Variants in PDE3A observed in about 807,000 individuals in gnomAD.
The protein encoded by PDE3A is phosphodiesterase 3A, also known as cGMP-inhibited 3',5'-cyclic phosphodiesterase 3A.
In PDE3A, 43 loss-of-function variants were observed where a neutral mutation model predicts 98.3. That is an observed-to-expected ratio of 0.44 (90% CI 0.34 to 0.56). The LOEUF is 0.56. PDE3A is among the 20% of genes least tolerant of loss of function. The probability of loss-of-function intolerance (pLI) is 0.01; values close to 1 mark genes in which losing one functional copy is unlikely to be tolerated. For missense variants in PDE3A, 1,427 were observed against 1,440.7 expected, an observed-to-expected ratio of 0.99 and a Z score of 0.15; for synonymous variants, 663 against 567.9, an observed-to-expected ratio of 1.17 and a Z score of -2.38.
Position 20,552,272 on chromosome 12 carries a change from C to A in PDE3A, c.961-4388C>A. The A allele has an allele frequency of 1.2e-6, 2 of 1,613,910 alleles. No homozygotes were observed. Among genetic ancestry groups the A allele is most frequent in the Non-Finnish European group, 1.7e-6 (2 of 1,179,876 alleles). ...AAGGGTGGCAAGAATAGCAAGTACG[C>A]CCCCGCTGAGGGCAACCGCTACGAT... On this transcript the variant is annotated intron_variant, in intron 1 of 15. Transcript: ENST00000359062. This position sits in a 1 kb window ranked among gnomAD's most constrained non-coding sequence, Gnocchi z 5.1.
intron 1 of PDE3A, among the ~76,000 whole-genome samples, chr12:20,471,496 G>A (rs1396148543): frequency 5.3e-5 from 8 of 152,090 alleles, no homozygotes; most frequent in Non-Finnish European, 8.8e-5. Context: ...CTAGTTTCTA[G>A]AAATACGGAG....
chr12:20,582,413 C>T (rs1284103405), intron 2 of PDE3A, among the ~76,000 whole-genome samples: 1 of 152,020 alleles, frequency 6.6e-6, no homozygotes, highest in Admixed American at 6.6e-5. Flanking sequence ...AGGCTGGCCT[C>T]GAACTCCTGA....
At chr12:20,379,417 A>G (rs1169913840) in intron 1 of PDE3A, among the ~76,000 whole-genome samples, 1 of 151,722 alleles carries the variant, frequency 6.6e-6, no homozygotes, top group African/African-American at 2.4e-5. Flanking sequence ...TGGAAGGGAG[A>G]GAGCCTGCTG....
intron 15 of PDE3A, among the ~76,000 whole-genome samples, chr12:20,675,175 G>T (rs762626540): frequency 4.6e-5 from 7 of 151,710 alleles, no homozygotes; most frequent in Non-Finnish European, 7.4e-5. Flanking sequence ...TTGACCCAAA[G>T]GTCATTCAGA....
rs752658790 is a variant in PDE3A at position 20,369,931 on chromosome 12, C to A, written c.647C>A (p.Ala216Asp). 2 of 1,613,478 alleles carry A rather than the reference C, an allele frequency of 1.2e-6. No homozygotes were observed. The highest frequency in any genetic ancestry group is 1.7e-6 in the Non-Finnish European group (2 of 1,180,010). Residue 216 changes from alanine (A) to aspartate (D), a missense_variant, in exon 1 of 16, where the codon GCC (alanine) becomes GAC (aspartate). Physicochemically the swap from Ala to Asp is moderately radical, Grantham distance 126 (BLOSUM62 -2). Coordinates refer to ENST00000359062, the MANE Select transcript of PDE3A (RefSeq NM_000921.5). ...LRLRLGVLMIALTSAVRTVSL... is the reference protein window; with the variant it reads ...LRLRLGVLMIDLTSAVRTVSL... ...CTGAGGCTGGGCGTCCTCATGATCG[C>A]CTTGACTAGCGCGGTCAGGACCGTG...
intron 12 of PDE3A, among the ~76,000 whole-genome samples, chr12:20,647,863 A>G (rs1944814268): frequency 6.6e-6 from 1 of 151,942 alleles, no homozygotes; most frequent in Admixed American, 6.6e-5. Flanking sequence ...GGCCAGGATA[A>G]TTTACCATTC....
chr12:20,386,529 T>A (rs942194091), intron 1 of PDE3A, among the ~76,000 whole-genome samples: 1 of 151,674 alleles, frequency 6.6e-6, no homozygotes, highest in Non-Finnish European at 1.5e-5. Flanking sequence ...CTGGTAGAGT[T>A]GGGGTTTCAC....
At chr12:20,395,720 A>G (rs1944005196) in intron 1 of PDE3A, among the ~76,000 whole-genome samples, 2 of 149,802 alleles carry the variant, frequency 1.3e-5, no homozygotes, top group African/African-American at 2.4e-5. Flanking sequence ...AGCAAAGCAC[A>G]GTAACATAGG....
At chr12:20,674,115 A>G (rs1049074509) in intron 15 of PDE3A, among the ~76,000 whole-genome samples, 5 of 152,138 alleles carry the variant, frequency 3.3e-5, no homozygotes, top group African/African-American at 1.2e-4. Flanking sequence ...TTTGTCAGCT[A>G]GTTCATCATT....
chr12:20,409,624 C>T (rs759030049), intron 1 of PDE3A, among the ~76,000 whole-genome samples: 8 of 152,098 alleles, frequency 5.3e-5, no homozygotes, highest in Non-Finnish European at 8.8e-5. Context: ...TGGATATCAT[C>T]AGAGAGGTGA....
At chr12:20,617,553 A>G (rs10770677) in intron 4 of PDE3A, among the ~76,000 whole-genome samples, 131,531 of 152,098 alleles carry the variant, frequency 0.86, 57,159 homozygotes, top group South Asian at 0.94. Context: ...AAAAATATTG[A>G]TCATTGACAA....
chr12:20,677,505 G>T (rs932997503), intron 15 of PDE3A, among the ~76,000 whole-genome samples: 1 of 151,932 alleles, frequency 6.6e-6, no homozygotes, highest in Non-Finnish European at 1.5e-5. Context: ...TGTCACCCAG[G>T]CTGGAGTGCA....
chr12:20,532,925 C>G (rs1383496376), intron 1 of PDE3A, among the ~76,000 whole-genome samples: 1 of 152,118 alleles, frequency 6.6e-6, no homozygotes, highest in African/African-American at 2.4e-5. Flanking sequence ...ATCCGCCCGC[C>G]TCGGCCTCCC....
At chr12:20,511,335 G>T (rs896131742) in intron 1 of PDE3A, among the ~76,000 whole-genome samples, 1 of 151,814 alleles carries the variant, frequency 6.6e-6, no homozygotes, top group Non-Finnish European at 1.5e-5. Context: ...GTGAAAAAGT[G>T]GCTTAATCTA....
chr12:20,450,846 T>C (rs1214954529), intron 1 of PDE3A, among the ~76,000 whole-genome samples: 1 of 152,210 alleles, frequency 6.6e-6, no homozygotes, highest in African/African-American at 2.4e-5. Context: ...ATTTGAAGAA[T>C]AGCATAACAG....
At chr12:20,430,447 A>C (rs1213982680) in intron 1 of PDE3A, among the ~76,000 whole-genome samples, 2 of 152,198 alleles carry the variant, frequency 1.3e-5, no homozygotes, top group East Asian at 3.8e-4. Flanking sequence ...GATAAACATC[A>C]TACCTTAAAT....
intron 1 of PDE3A, among the ~76,000 whole-genome samples, chr12:20,484,533 A>T (rs1401288891): frequency 6.6e-6 from 1 of 152,208 alleles, no homozygotes; most frequent in Non-Finnish European, 1.5e-5. Context: ...CAATGTGCTT[A>T]TTCTTTTTCA....
intron 2 of PDE3A, among the ~76,000 whole-genome samples, chr12:20,582,471 C>CA (rs1051825222): frequency 6.6e-6 from 1 of 151,764 alleles, no homozygotes; most frequent in African/African-American, 2.4e-5. Flanking sequence ...TGGGAGGATA[C>CA]AAAATTATTT....
chr12:20,460,821 C>T (rs1322398333), intron 1 of PDE3A, among the ~76,000 whole-genome samples: 1 of 152,164 alleles, frequency 6.6e-6, no homozygotes, highest in Non-Finnish European at 1.5e-5. Flanking sequence ...CATGCCCCTG[C>T]TCCCCCCTTT....
Sources: gnomAD v4.1 joint callset for allele counts (sites outside exome capture counted in the v4.1 genomes callset) on GRCh38, gnomAD v4.1.1 for gene constraint, Gnocchi (gnomAD v3.1) non-coding constraint, MANE v1.5 for transcripts, NCBI Gene and HGNC (gene_info 2026-07-23, HGNC 2026-07-21) for gene names.